PHF14: variants seen among roughly 807,000 people sequenced by gnomAD.
The protein encoded by PHF14 is PHD finger protein 14.
In PHF14, 55 loss-of-function variants were observed where a neutral mutation model predicts 117.9. The ratio of observed to expected loss-of-function variants is 0.47; its 90% CI spans 0.38 to 0.58. The LOEUF (loss-of-function observed/expected upper bound fraction) is 0.58, where lower values mean the gene tolerates loss of function less well. Among genes scored for constraint, PHF14 ranks in the 20% least tolerant of loss-of-function variants. The pLI, the probability that PHF14 is intolerant of heterozygous loss-of-function variation, is 0.00. For synonymous variants in PHF14, 409 were observed against 368.6 expected, an observed-to-expected ratio of 1.11 and a Z score of -1.26; for missense variants, 978 against 1,122.2, an observed-to-expected ratio of 0.87 and a Z score of 1.84.
At chr7:11,163,942 A>G (rs1387215522) in intron 17 of PHF14, among the ~76,000 whole-genome samples, 1 of 152,200 alleles carries the variant, frequency 6.6e-6, no homozygotes, top group Non-Finnish European at 1.5e-5. Flanking sequence ...TTGAGTGTCT[A>G]CATGTTTTTT....
At chr7:11,157,258 A>G (rs1788890451) in intron 17 of PHF14, among the ~76,000 whole-genome samples, 1 of 152,308 alleles carries the variant, frequency 6.6e-6, no homozygotes, top group South Asian at 2.1e-4. Context: ...CTAGGAATAG[A>G]CGTGACTTCA....
At chr7:11,014,990 C>G (rs1783485091) in intron 5 of PHF14, 1 of 134,436 alleles carries the variant, frequency 7.4e-6, no homozygotes, top group Admixed American at 7.7e-5. Flanking sequence ...TCTGCCTCTT[C>G]CTCTCCAATA....
chr7:11,006,691 G>A, intron 4 of PHF14: 1 of 631,764 alleles, frequency 1.6e-6, no homozygotes. Context: ...CTCTTCCGAG[G>A]ATATCTGGGC....
At chr7:11,129,490 C>T (rs890785522) in intron 17 of PHF14, among the ~76,000 whole-genome samples, 5 of 150,496 alleles carry the variant, frequency 3.3e-5, no homozygotes, top group African/African-American at 1.2e-4. Flanking sequence ...AGAACACTGG[C>T]ATTGTCTAAG....
Position 11,070,984 on chromosome 7 carries a change from A to C in PHF14, c.2654+8899A>C, listed in dbSNP as rs376334388. 1.3e-3 allele frequency among the ~76,000 whole-genome samples: 203 copies of C among 152,332 alleles called. 6 individuals are homozygous for C. In the South Asian group the frequency reaches 0.041, roughly 31 times the overall value. On this transcript the variant is annotated intron_variant, in intron 16 of 17. Transcript: ENST00000634607. ...AAACTTTTAAAATTACTGAGTACAA[A>C]CTTAAAAATCGTGTATGCTTCTTGA...
chr7:11,025,198 C>G (rs1007825387), intron 6 of PHF14, among the ~76,000 whole-genome samples: 1 of 152,074 alleles, frequency 6.6e-6, no homozygotes, highest in Non-Finnish European at 1.5e-5. Flanking sequence ...CTGCTGCGAT[C>G]TCATGATAAA....
chr7:11,047,534 G>T (rs1254695345), intron 13 of PHF14, among the ~76,000 whole-genome samples: 1 of 151,446 alleles, frequency 6.6e-6, no homozygotes, highest in East Asian at 2.0e-4. Context: ...AGTGGCTCAT[G>T]TCTGTAATCC....
chr7:11,159,512 G>A (rs1450933403), intron 17 of PHF14, among the ~76,000 whole-genome samples: 1 of 151,782 alleles, frequency 6.6e-6, no homozygotes, highest in Non-Finnish European at 1.5e-5. Context: ...CATATGAAAT[G>A]ATTTTCTTAA....
chr7:10,986,350 T>G (rs1782226747), intron 3 of PHF14, among the ~76,000 whole-genome samples: 1 of 151,902 alleles, frequency 6.6e-6, no homozygotes, highest in South Asian at 2.1e-4. Flanking sequence ...CTGTTGATAT[T>G]TACCACTTCA....
At chr7:11,000,117 A>C (rs527526536) in intron 4 of PHF14, among the ~76,000 whole-genome samples, 1 of 152,142 alleles carries the variant, frequency 6.6e-6, no homozygotes, top group African/African-American at 2.4e-5. Context: ...AATTCTGTGA[A>C]CTTTATATAT....
chr7:11,158,401 G>A (rs963024648), intron 17 of PHF14, among the ~76,000 whole-genome samples: 2 of 152,070 alleles, frequency 1.3e-5, no homozygotes, highest in Non-Finnish European at 1.5e-5. Context: ...AGGTGATGTC[G>A]CTTCTCTGTG....
intron 16 of PHF14, chr7:11,062,701 G>C: frequency 1.0e-6 from 1 of 985,006 alleles, no homozygotes; most frequent in South Asian, 4.7e-5. Flanking sequence ...CTTAGCTGAT[G>C]CTGCACATTG....
At chr7:11,082,855 C>G (rs1169263817) in intron 16 of PHF14, among the ~76,000 whole-genome samples, 1 of 152,040 alleles carries the variant, frequency 6.6e-6, no homozygotes, top group Non-Finnish European at 1.5e-5. Context: ...CCTATTAATC[C>G]TTTATTCTTT....
chr7:11,035,046 C>G (rs1005089383), intron 7 of PHF14, among the ~76,000 whole-genome samples: 3 of 151,602 alleles, frequency 2.0e-5, no homozygotes, highest in Non-Finnish European at 2.9e-5. Flanking sequence ...AAAAATACAG[C>G]CGGCCCTCCG....
intron 17 of PHF14, among the ~76,000 whole-genome samples, chr7:11,149,646 TC>T (rs1256951604): frequency 6.6e-6 from 1 of 152,180 alleles, no homozygotes; most frequent in Admixed American, 6.5e-5. Context: ...TTCCTTTTAA[TC>T]AGTCTTGAAA....
At chr7:11,114,404 A>G (rs1215413895) in intron 17 of PHF14, among the ~76,000 whole-genome samples, 2 of 152,046 alleles carry the variant, frequency 1.3e-5, no homozygotes, top group Non-Finnish European at 1.5e-5. Flanking sequence ...ATGGGGTTGT[A>G]TGAGGGCAAA....
intron 4 of PHF14, among the ~76,000 whole-genome samples, chr7:10,997,230 A>G (rs2128312080): frequency 6.6e-6 from 1 of 152,352 alleles, no homozygotes; most frequent in African/African-American, 2.4e-5. Flanking sequence ...GAGCAAAAAG[A>G]CATTATTACT....
At chr7:11,025,893 C>T (rs1783891239) in intron 6 of PHF14, among the ~76,000 whole-genome samples, 1 of 152,096 alleles carries the variant, frequency 6.6e-6, no homozygotes, top group South Asian at 2.1e-4. Context: ...GGGTGGGTCA[C>T]CTGAGGTCAG....
chr7:11,117,379 A>G (rs969206425), intron 17 of PHF14, among the ~76,000 whole-genome samples: 1 of 151,802 alleles, frequency 6.6e-6, no homozygotes, highest in Non-Finnish European at 1.5e-5. Context: ...ATTCATATGC[A>G]TAGGAATTTC....
Sources: gnomAD v4.1 joint callset for allele counts (sites outside exome capture counted in the v4.1 genomes callset) on GRCh38, gnomAD v4.1.1 for gene constraint, MANE v1.5 for transcripts, NCBI Gene and HGNC (gene_info 2026-07-23, HGNC 2026-07-21) for gene names.